PRSS12: variants seen among roughly 807,000 people sequenced by gnomAD.
The protein encoded by PRSS12 is serine protease 12.
In PRSS12, 85 loss-of-function variants were observed where a neutral mutation model predicts 104.4. That is an observed-to-expected ratio of 0.81 (90% CI 0.68 to 0.98). PRSS12 has a LOEUF of 0.98. PRSS12 is among the 50% of genes least tolerant of loss of function. The pLI is 0.00. For missense variants in PRSS12, 1,141 were observed against 1,139.2 expected, an observed-to-expected ratio of 1.00 and a Z score of -0.02; for synonymous variants, 454 against 425.2, an observed-to-expected ratio of 1.07 and a Z score of -0.83.
chr4:118,330,925 T>C (rs1429728356), intron 4 of PRSS12, among the ~76,000 whole-genome samples: 2 of 121,912 alleles, frequency 1.6e-5, no homozygotes, highest in African/African-American at 2.7e-5. Flanking sequence ...TCAAGGATTA[T>C]GGTTAACTGA....
At chr4:118,322,352 C>T (rs1002603075) in intron 4 of PRSS12, among the ~76,000 whole-genome samples, 16 of 152,038 alleles carry the variant, frequency 1.1e-4, no homozygotes, top group Admixed American at 9.2e-4. Context: ...GAATTTGAGA[C>T]CAGGCTGATC....
At position 118,298,914 on chromosome 4, in the gene PRSS12, C is replaced by G. The variant is rs772995173; in HGVS notation, c.1656G>C (p.Met552Ile). 7 of 1,614,030 alleles carry G rather than the reference C, an allele frequency of 4.3e-6. No homozygotes were observed. The highest frequency in any genetic ancestry group is 5.9e-6 in the Non-Finnish European group (7 of 1,180,034). The change falls in exon 9 of 13, where the codon ATG (methionine) becomes ATC (isoleucine). Residue 552 changes from methionine to isoleucine, a missense_variant. Physicochemically the swap from Met to Ile is conservative, Grantham distance 10. Coordinates refer to ENST00000296498, the MANE Select transcript of PRSS12 (RefSeq NM_003619.4). ...GTCCTTTTCCTTCTCCAAAGTAAGC[C>G]ATGGTTCTTGCTCTGGCAGGACCCC... is the stretch of plus-strand genomic sequence containing the variant. Reference protein sequence around the residue: ...GYKGPARARTMAYFGEGKGPI... With the variant: ...GYKGPARARTIAYFGEGKGPI...
At chr4:118,335,741 C>G in intron 2 of PRSS12, 90 bp from the exon 3 acceptor site, 2 of 1,180,198 alleles carry the variant, frequency 1.7e-6, no homozygotes, top group Non-Finnish European at 2.5e-6. Flanking sequence ...TGGAAGAAAT[C>G]AACAAAGATG....
rs1742815394 is a variant in PRSS12, at chr4:118,280,477, G to A, written c.*1459C>T. On this transcript the variant is annotated 3_prime_UTR_variant, in exon 13 of 13. Transcript: ENST00000296498. ...GTAGTAAAACTATAAAGCACCTTTA[G>A]GTTTGCACCAGTTATTACAGAAATG... is the stretch of plus-strand genomic sequence containing the variant. 6.6e-6 allele frequency: 1 copy of A among 152,232 alleles called. No individual in the cohort carries two copies. Among genetic ancestry groups the A allele is most frequent in the Non-Finnish European group, 1.5e-5 (1 of 68,040 alleles). 9.4% of individuals were successfully genotyped at this position (152,232 alleles called of 1,614,324 possible). A position where few individuals can be genotyped will look rare whatever the true frequency, so the allele number is the denominator to read the frequency against.
At chr4:118,291,298 C>T (rs1182993078) in intron 11 of PRSS12, among the ~76,000 whole-genome samples, 4 of 152,054 alleles carry the variant, frequency 2.6e-5, no homozygotes, top group Non-Finnish European at 5.9e-5. Context: ...TCAAACATAG[C>T]TTTTGCTTTC....
At chr4:118,295,968 C>T in intron 9 of PRSS12, 112 bp from the exon 10 acceptor site, 2 of 946,436 alleles carry the variant, frequency 2.1e-6, no homozygotes, top group East Asian at 4.9e-5. Flanking sequence ...TCCCTTTTCT[C>T]TGCAAATTAA....
chr4:118,287,045 G>A lies in PRSS12; in HGVS notation c.2040-3934C>T, dbSNP rs553014181. 4.1e-4 allele frequency among the ~76,000 whole-genome samples: 63 copies of A among 152,270 alleles called. No individual in the cohort carries two copies. The South Asian group carries it at 0.013, about 31-fold the overall frequency. On this transcript the variant is annotated intron_variant, in intron 11 of 12. Coordinates refer to ENST00000296498, the MANE Select transcript of PRSS12 (RefSeq NM_003619.4). Reference sequence around the variant, plus strand: ...ACCAATCAGCAGTTTATATTAAACTGAGAATAAAAATATTTACCTAACAAA... The same window carrying A: ...ACCAATCAGCAGTTTATATTAAACTAAGAATAAAAATATTTACCTAACAAA...
rs746514063 is a variant in PRSS12 at position 118,335,455 on chromosome 4, CT to C, written c.820+17del. The C allele has an allele frequency of 8.8e-5, 142 of 1,609,604 alleles. 1 individual carries two copies. The African/African-American group carries it at 1.8e-3, about 20-fold the overall frequency. ...ACATAATGAAAGTAAAACAACAGAA[CT>C]TTTTTCTTTTTTTTACCATGGGAAA... On this transcript the variant is annotated intron_variant, in intron 3 of 12. Transcript: ENST00000296498.
At chr4:118,347,517 TG>T (rs891057937) in intron 1 of PRSS12, among the ~76,000 whole-genome samples, 9 of 152,234 alleles carry the variant, frequency 5.9e-5, no homozygotes, top group Non-Finnish European at 1.2e-4. Context: ...ATTTATTTAA[TG>T]TTTTACCTCT....
intron 4 of PRSS12, among the ~76,000 whole-genome samples, chr4:118,321,121 G>GTCCTAACACAAAGGAA (rs1723605580): frequency 6.6e-6 from 1 of 152,094 alleles, no homozygotes; most frequent in South Asian, 2.1e-4. Context: ...TAATATTGGA[G>GTCCTAACACAAAGGAA]TCCTAACACA....
chr4:118,281,389 T>TA lies in PRSS12; in HGVS notation c.*546dup, dbSNP rs1179611608. On this transcript the variant is annotated 3_prime_UTR_variant, in exon 13 of 13. Transcript: ENST00000296498. ...TGACAGGCAGATGTCCTTGAGGCTT[T>TA]ACTACTCCTATTCAGGCCTAAAAGT... The TA allele has an allele frequency of 6.1e-6, 1 of 163,988 alleles. No homozygotes were observed. Among genetic ancestry groups the TA allele is most frequent in the Non-Finnish European group, 1.4e-5 (1 of 73,944 alleles). 10.2% of individuals were successfully genotyped at this position (163,988 alleles called of 1,614,324 possible). A position where few individuals can be genotyped will look rare whatever the true frequency, so the allele number is the denominator to read the frequency against.
intron 6 of PRSS12, 116 bp from the exon 7 acceptor site, chr4:118,313,513 T>A: frequency 8.9e-7 from 1 of 1,121,344 alleles, no homozygotes; most frequent in Non-Finnish European, 1.3e-6. Context: ...GATAAGTATC[T>A]GTTCTTTCTC....
intron 4 of PRSS12, 61 bp from the exon 5 acceptor site, chr4:118,318,617 T>A (rs1378482479): frequency 1.3e-6 from 2 of 1,532,510 alleles, no homozygotes; most frequent in East Asian, 2.4e-5. Context: ...TCTTTTATTT[T>A]TTTTTTGTCC....
At position 118,298,409 on chromosome 4, in the gene PRSS12, T is replaced by C. The variant is rs536091074; in HGVS notation, c.1837+324A>G. On this transcript the variant is annotated intron_variant, in intron 9 of 12. Coordinates refer to ENST00000296498, the MANE Select transcript of PRSS12 (RefSeq NM_003619.4). ...TTCCTTTTTATGAAGTCATTATCAA[T>C]TCTGAATCTTCAAAGATAGCAACAA... Among the ~76,000 whole-genome samples the C allele has an allele frequency of 2.0e-5, 3 of 152,312 alleles. No individual in the cohort carries two copies. In the East Asian group the frequency reaches 5.8e-4, roughly 29 times the overall value.
rs9994181 is a variant in PRSS12 at position 118,326,282 on chromosome 4, G to A, written c.971+5434C>T. On this transcript the variant is annotated intron_variant, in intron 4 of 12. Transcript: ENST00000296498. ...GATTACTCTCTAGAAAACAATCCCC[G>A]CCATCTCCAATAATGATGTTTGATG... Among the ~76,000 whole-genome samples the A allele has an allele frequency of 6.1e-3, 930 of 152,104 alleles. 8 individuals carry two copies. Among genetic ancestry groups the A allele is most frequent in the African/African-American group, 0.021 (870 of 41,492 alleles).
At chr4:118,301,206 G>C (rs1743398187) in intron 8 of PRSS12, among the ~76,000 whole-genome samples, 1 of 152,022 alleles carries the variant, frequency 6.6e-6, no homozygotes, top group Non-Finnish European at 1.5e-5. Context: ...CTGCTGATTT[G>C]AAAGTCTTTC....
At chr4:118,333,748 TATGTTGTGTTTTATTTTA>T (rs1390471773) in intron 3 of PRSS12, among the ~76,000 whole-genome samples, 1 of 152,214 alleles carries the variant, frequency 6.6e-6, no homozygotes, top group Non-Finnish European at 1.5e-5. Flanking sequence ...TTCACTTTCC[TATGTTGTGTTTTATTTTA>T]AAATGTGGTT....
intron 1 of PRSS12, among the ~76,000 whole-genome samples, chr4:118,350,781 C>G (rs1724479240): frequency 6.6e-6 from 1 of 152,154 alleles, no homozygotes; most frequent in Non-Finnish European, 1.5e-5. Context: ...CATTTTTTAA[C>G]TTTAAATTAC....
intron 12 of PRSS12, 58 bp from the exon 13 acceptor site, chr4:118,282,301 A>T: frequency 1.2e-5 from 19 of 1,588,738 alleles, no homozygotes; most frequent in Non-Finnish European, 1.6e-5. Flanking sequence ...AACATTTAAC[A>T]GTTACTGAGC....
Sources: gnomAD v4.1 joint callset for allele counts (sites outside exome capture counted in the v4.1 genomes callset) on GRCh38, gnomAD v4.1.1 for gene constraint, MANE v1.5 for transcripts, NCBI Gene and HGNC (gene_info 2026-07-23, HGNC 2026-07-21) for gene names.